ALK: variants seen among roughly 807,000 people sequenced by gnomAD.
ALK encodes the protein ALK tyrosine kinase receptor.
A neutral mutation model predicts 163.1 loss-of-function variants in ALK; 74 were observed. The observed-to-expected ratio is 0.45, with a 90% CI of 0.38 to 0.55. ALK has a LOEUF of 0.55. Among genes scored for constraint, ALK ranks in the 20% least tolerant of loss-of-function variants. The pLI is 0.00. For synonymous variants in ALK, 960 were observed against 843.2 expected, an observed-to-expected ratio of 1.14 and a Z score of -2.40; for missense variants, 2,063 against 2,105.3, an observed-to-expected ratio of 0.98 and a Z score of 0.39.
At chr2:29,415,420 C>T (rs1232224536) in intron 4 of ALK, among the ~76,000 whole-genome samples, 2 of 152,100 alleles carry the variant, frequency 1.3e-5, no homozygotes, top group African/African-American at 4.8e-5. Context: ...AATCCACTGT[C>T]TTCTGCTGAA....
chr2:29,889,515 G>GGATAGATAGATAGATA (rs769685640), intron 1 of ALK, among the ~76,000 whole-genome samples: 11 of 151,714 alleles, frequency 7.3e-5, no homozygotes, highest in Admixed American at 5.9e-4. Flanking sequence ...ATGGATGGAT[G>GGATAGATAGATAGATA]GATAGATAGA....
intron 4 of ALK, among the ~76,000 whole-genome samples, chr2:29,500,377 C>T (rs989713212): frequency 1.1e-4 from 16 of 152,146 alleles, no homozygotes; most frequent in African/African-American, 3.9e-4. Flanking sequence ...GCCTGCTCCC[C>T]CTCTGTCTTC....
chr2:29,314,776 T>C (rs1005731054), intron 8 of ALK, among the ~76,000 whole-genome samples: 37 of 152,208 alleles, frequency 2.4e-4, no homozygotes, highest in Middle Eastern at 6.8e-3. Context: ...TCAAATAAAA[T>C]AGAATTTCAA....
At chr2:29,876,720 GTGATGATGA>G (rs1211467302) in intron 1 of ALK, among the ~76,000 whole-genome samples, 7 of 148,512 alleles carry the variant, frequency 4.7e-5, no homozygotes, top group African/African-American at 7.5e-5. Context: ...GGTGGTGATG[GTGATGATGA>G]TGGTGGTGAT....
chr2:29,805,401 T>A (rs1658373028), intron 1 of ALK, among the ~76,000 whole-genome samples: 1 of 152,162 alleles, frequency 6.6e-6, no homozygotes, highest in South Asian at 2.1e-4. Context: ...ATGGCATACA[T>A]AAATGTGTGC....
intron 4 of ALK, among the ~76,000 whole-genome samples, chr2:29,519,897 A>G (rs1413575322): frequency 6.6e-6 from 1 of 152,228 alleles, no homozygotes; most frequent in Non-Finnish European, 1.5e-5. Flanking sequence ...AATATTTAGG[A>G]AACAGTTGGA....
intron 5 of ALK, among the ~76,000 whole-genome samples, chr2:29,370,854 G>A (rs988928116): frequency 1.3e-5 from 2 of 149,316 alleles, no homozygotes; most frequent in African/African-American, 2.5e-5. Flanking sequence ...TTGGGATCCA[G>A]ACAGGATATT....
intron 5 of ALK, among the ~76,000 whole-genome samples, chr2:29,343,167 T>C (rs1573257879): frequency 6.6e-6 from 1 of 151,080 alleles, no homozygotes; most frequent in Admixed American, 6.6e-5. Flanking sequence ...ATTACAGGCA[T>C]GAGCCACCGT....
rs538002010 is a variant in ALK, at chr2:29,562,508, T to C, written c.953-30392A>G. Among the ~76,000 whole-genome samples, 6 of 152,272 alleles carry C rather than the reference T, an allele frequency of 3.9e-5. No homozygotes were observed. In the East Asian group the frequency reaches 9.7e-4, roughly 24 times the overall value. On this transcript the variant is annotated intron_variant, in intron 3 of 28. Transcript: ENST00000389048. ...CCAAATGCTCACCCTCCAGATGGTG[T>C]CTGCCCAGGGCCAGTACAGCAGGAC...
chr2:29,763,311 A>G (rs558003846), intron 1 of ALK, among the ~76,000 whole-genome samples: 1 of 152,190 alleles, frequency 6.6e-6, no homozygotes, highest in East Asian at 1.9e-4. Context: ...GTAGGTAGAC[A>G]CCTAAATAGC....
chr2:29,310,136 T>C (rs901477698), intron 8 of ALK, among the ~76,000 whole-genome samples: 7 of 152,184 alleles, frequency 4.6e-5, no homozygotes, highest in African/African-American at 1.7e-4. Flanking sequence ...GGGGCAGAGC[T>C]GGGATCTAAA....
intron 3 of ALK, among the ~76,000 whole-genome samples, chr2:29,653,518 T>A (rs1677092732): frequency 6.6e-6 from 1 of 152,114 alleles, no homozygotes. Flanking sequence ...TAACTTAACT[T>A]AATTTGAACG....
intron 11 of ALK, among the ~76,000 whole-genome samples, 154 bp from the exon 12 acceptor site, chr2:29,251,421 C>T (rs943210890): frequency 2.0e-5 from 3 of 152,226 alleles, no homozygotes; most frequent in Admixed American, 1.3e-4. Flanking sequence ...AATCAGCCAT[C>T]GAACTGGAAA....
At chr2:29,852,880 C>T (rs1666039654) in intron 1 of ALK, among the ~76,000 whole-genome samples, 1 of 148,748 alleles carries the variant, frequency 6.7e-6, no homozygotes, top group Non-Finnish European at 1.5e-5. Flanking sequence ...CTGCTCTCTA[C>T]CATGTGAAGA....
At chr2:29,272,905 G>A (rs1665430524) in intron 11 of ALK, among the ~76,000 whole-genome samples, 1 of 152,212 alleles carries the variant, frequency 6.6e-6, no homozygotes. Context: ...CTGCCTTCCA[G>A]CCTTGGGGCC....
intron 3 of ALK, among the ~76,000 whole-genome samples, chr2:29,545,615 G>A (rs956137426): frequency 1.3e-5 from 2 of 152,116 alleles, no homozygotes; most frequent in African/African-American, 2.4e-5. Flanking sequence ...GAGCCATGTG[G>A]GCACTCAGTC....
intron 3 of ALK, among the ~76,000 whole-genome samples, chr2:29,589,600 C>T (rs1674988537): frequency 6.6e-6 from 1 of 152,180 alleles, no homozygotes; most frequent in African/African-American, 2.4e-5. Context: ...CTCAGAGAAA[C>T]CTCAAACACT....
At chr2:29,231,351 A>G (rs1573138236) in intron 15 of ALK, among the ~76,000 whole-genome samples, 1 of 152,368 alleles carries the variant, frequency 6.6e-6, no homozygotes, top group Non-Finnish European at 1.5e-5. Flanking sequence ...CAAAAAACAA[A>G]AAACAAAAAT....
intron 3 of ALK, among the ~76,000 whole-genome samples, chr2:29,681,885 C>T (rs1349919024): frequency 1.3e-5 from 2 of 152,136 alleles, no homozygotes; most frequent in African/African-American, 4.8e-5. Flanking sequence ...ATCCAGCTTA[C>T]TTTAAAAATA....
Sources: gnomAD v4.1 joint callset for allele counts (sites outside exome capture counted in the v4.1 genomes callset) on GRCh38, gnomAD v4.1.1 for gene constraint, MANE v1.5 for transcripts, NCBI Gene and HGNC (gene_info 2026-07-23, HGNC 2026-07-21) for gene names.